The following NRXN3 variants were observed in gnomAD, a reference collection of about 807,000 sequenced individuals.
NRXN3 encodes neurexin 3.
In NRXN3, 32 loss-of-function variants were observed where a neutral mutation model predicts 137.6. That is an observed-to-expected ratio of 0.23 (90% CI 0.18 to 0.31). NRXN3 has a LOEUF of 0.31. Ranked by LOEUF, NRXN3 falls within the 10% of genes least tolerant of loss-of-function variation. The pLI is 1.00. For missense variants in NRXN3, 1,574 were observed against 2,062.5 expected (o/e 0.76, Z 4.59); for synonymous variants, 798 against 784.5 (o/e 1.02, Z -0.29).
At chr14:79,626,421 A>T (rs1419806970) in intron 16 of NRXN3, among the ~76,000 whole-genome samples, 2 of 143,188 alleles carry the variant, frequency 1.4e-5, no homozygotes, top group Non-Finnish European at 3.0e-5. Context: ...TTTTTTTTTT[A>T]AACCACTGAA....
chr14:79,539,303 G>A (rs558512712), intron 16 of NRXN3, among the ~76,000 whole-genome samples: 2 of 152,176 alleles, frequency 1.3e-5, no homozygotes, highest in Non-Finnish European at 2.9e-5. Context: ...CAAAGTGCTG[G>A]GACTACAGGT....
At chr14:79,690,747 G>T (rs1247712959) in intron 17 of NRXN3, among the ~76,000 whole-genome samples, 1 of 152,002 alleles carries the variant, frequency 6.6e-6, no homozygotes, top group Admixed American at 6.6e-5. Flanking sequence ...CAACACAGAA[G>T]GTAGGTACCA....
chr14:78,251,008 G>A (rs1178345438), intron 2 of NRXN3, among the ~76,000 whole-genome samples: 1 of 152,154 alleles, frequency 6.6e-6, no homozygotes, highest in Admixed American at 6.5e-5. Flanking sequence ...GAATGAATAT[G>A]AGTATAGTAT....
chr14:79,835,748 T>C (rs1382446124), intron 20 of NRXN3, among the ~76,000 whole-genome samples: 3 of 152,224 alleles, frequency 2.0e-5, no homozygotes, highest in South Asian at 2.1e-4. Context: ...CTGGGTTTCA[T>C]ATTTATCTTC....
intron 15 of NRXN3, among the ~76,000 whole-genome samples, chr14:79,257,441 GGTA>G (rs1208417795): frequency 2.0e-4 from 8 of 40,502 alleles, no homozygotes; most frequent in Admixed American, 5.9e-4. Flanking sequence ...TGGTGGTGGT[GGTA>G]GTGATGGTGG....
intron 15 of NRXN3, among the ~76,000 whole-genome samples, chr14:79,319,215 A>G (rs1160976749): frequency 2.6e-5 from 4 of 152,222 alleles, no homozygotes; most frequent in Admixed American, 2.6e-4. Context: ...TTCAAATTTT[A>G]CATTCCTTAG....
Position 79,405,772 on chromosome 14 carries a change from C to T in NRXN3, c.3263-61449C>T, listed in dbSNP as rs531924482. ...TTTGCAATGCCTGGAGGAAGTCTTC[C>T]ATGTAATTCATACTTTATGAGGGAA... On this transcript the variant is annotated intron_variant, in intron 15 of 20. Transcript: ENST00000335750. 2.2e-4 allele frequency among the ~76,000 whole-genome samples: 33 copies of T among 152,272 alleles called. No homozygotes were observed. The South Asian group carries it at 6.0e-3, about 28-fold the overall frequency.
Position 78,245,912 on chromosome 14 carries a change from T to C in NRXN3, c.709+2110T>C, listed in dbSNP as rs561995990. Among the ~76,000 whole-genome samples, 9 of 152,298 alleles carry C rather than the reference T, an allele frequency of 5.9e-5. No homozygotes were observed. The East Asian group carries it at 1.7e-3, about 29-fold the overall frequency. The stretch of plus-strand genomic sequence containing the variant: ...AGGCAACCCCAGTCTACAAACCATT[T>C]TGGGAATGTGGTTATTGAAGTGCTT... On this transcript the variant is annotated intron_variant, in intron 2 of 20. Transcript: ENST00000335750.
At chr14:78,542,181 C>T (rs1482236004) in intron 4 of NRXN3, among the ~76,000 whole-genome samples, 4 of 152,324 alleles carry the variant, frequency 2.6e-5, no homozygotes, top group Middle Eastern at 6.8e-3. Flanking sequence ...AAACACTGTG[C>T]TGAGAGAACC....
At chr14:78,631,153 C>A (rs2097518856) in intron 4 of NRXN3, among the ~76,000 whole-genome samples, 1 of 152,184 alleles carries the variant, frequency 6.6e-6, no homozygotes. Flanking sequence ...GAATCAGGTT[C>A]ATTTAACATC....
At chr14:78,609,164 T>G (rs1267076547) in intron 4 of NRXN3, among the ~76,000 whole-genome samples, 1 of 152,018 alleles carries the variant, frequency 6.6e-6, no homozygotes, top group East Asian at 1.9e-4. Flanking sequence ...AGACCTTGAT[T>G]GACTTGAGAA....
rs543604157 is a variant in NRXN3, at chr14:79,283,170, T to C, written c.3263-184051T>C. ...GGCACCAAGAGACTGATGGTTGTTA[T>C]TGATGATTTACTGCCAATCTTATTC... On this transcript the variant is annotated intron_variant, in intron 15 of 20. Coordinates refer to ENST00000335750, the MANE Select transcript of NRXN3 (RefSeq NM_001330195.2). 7.9e-5 allele frequency among the ~76,000 whole-genome samples: 12 copies of C among 152,334 alleles called. No individual in the cohort carries two copies. In the East Asian group the frequency reaches 1.5e-3, roughly 20 times the overall value.
At chr14:78,996,016 GTTC>G (rs1369265845) in intron 15 of NRXN3, among the ~76,000 whole-genome samples, 6 of 151,968 alleles carry the variant, frequency 3.9e-5, no homozygotes, top group African/African-American at 1.5e-4. Context: ...CCAGTCACAG[GTTC>G]TTCTCCCATA....
intron 15 of NRXN3, among the ~76,000 whole-genome samples, chr14:79,005,984 C>A (rs1264764494): frequency 6.6e-6 from 1 of 152,044 alleles, no homozygotes; most frequent in African/African-American, 2.4e-5. Flanking sequence ...AGGGTAGGTA[C>A]AATGCCTCGT....
intron 4 of NRXN3, among the ~76,000 whole-genome samples, chr14:78,432,608 A>C (rs1052363675): frequency 6.6e-6 from 1 of 152,210 alleles, no homozygotes; most frequent in African/African-American, 2.4e-5. Flanking sequence ...CCTATGCCTC[A>C]GGTGAAAAAG....
intron 16 of NRXN3, among the ~76,000 whole-genome samples, chr14:79,499,240 C>G (rs1207138692): frequency 6.6e-6 from 1 of 152,218 alleles, no homozygotes; most frequent in African/African-American, 2.4e-5. Flanking sequence ...TCCTCCTCGT[C>G]TACCACTTTC....
intron 15 of NRXN3, among the ~76,000 whole-genome samples, chr14:79,261,709 A>G (rs2077627287): frequency 6.6e-6 from 1 of 151,484 alleles, no homozygotes; most frequent in Admixed American, 6.6e-5. Flanking sequence ...AGAACAATTT[A>G]CCTTCCAGAA....
intron 2 of NRXN3, among the ~76,000 whole-genome samples, chr14:78,266,048 T>C (rs2071646372): frequency 6.6e-6 from 1 of 152,234 alleles, no homozygotes; most frequent in Non-Finnish European, 1.5e-5. Flanking sequence ...TGGACCTTAC[T>C]TGAAGTCCTA....
intron 15 of NRXN3, among the ~76,000 whole-genome samples, chr14:79,260,198 A>G (rs1404499798): frequency 1.3e-5 from 2 of 152,180 alleles, no homozygotes; most frequent in African/African-American, 4.8e-5. Flanking sequence ...AAATACATAT[A>G]TCTTATGTAT....
Sources: gnomAD v4.1 joint callset for allele counts (sites outside exome capture counted in the v4.1 genomes callset) on GRCh38, gnomAD v4.1.1 for gene constraint, MANE v1.5 for transcripts, NCBI Gene and HGNC (gene_info 2026-07-23, HGNC 2026-07-21) for gene names.